LHCGR: variants seen among roughly 807,000 people sequenced by gnomAD.
LHCGR encodes lutropin-choriogonadotropic hormone receptor.
LHCGR carries 55 observed loss-of-function variants against 60.7 expected under a neutral mutation model. The ratio of observed to expected loss-of-function variants is 0.91; its 90% CI spans 0.73 to 1.13. The LOEUF (loss-of-function observed/expected upper bound fraction) is 1.13, where lower values mean the gene tolerates loss of function less well. Ranked by LOEUF, LHCGR falls within the 50% of genes most tolerant of loss-of-function variation. LHCGR has a pLI of 0.00. For synonymous variants in LHCGR, 337 were observed against 316.5 expected (o/e 1.06, Z -0.69); for missense variants, 862 against 836.0 (o/e 1.03, Z -0.38).
At chr2:48,740,236 A>G (rs1056405270) in intron 1 of LHCGR, among the ~76,000 whole-genome samples, 2 of 152,242 alleles carry the variant, frequency 1.3e-5, no homozygotes, top group Non-Finnish European at 2.9e-5. Flanking sequence ...GTCTGAGATC[A>G]AACTGCAAGG....
chr2:48,714,870 A>G (rs1473693312), intron 6 of LHCGR, among the ~76,000 whole-genome samples: 1 of 152,160 alleles, frequency 6.6e-6, no homozygotes, highest in Non-Finnish European at 1.5e-5. Context: ...CAAGCAGCAC[A>G]TTGTCATTTT....
At chr2:48,739,007 T>C (rs4519576) in intron 1 of LHCGR, among the ~76,000 whole-genome samples, 61,162 of 152,192 alleles carry the variant, frequency 0.4, 13,091 homozygotes, top group Middle Eastern at 0.5. Context: ...ACTTTCCTGA[T>C]GTCATTCATG....
intron 6 of LHCGR, among the ~76,000 whole-genome samples, chr2:48,717,789 G>C (rs1668320284): frequency 6.9e-6 from 1 of 145,280 alleles, no homozygotes; most frequent in South Asian, 2.2e-4. Flanking sequence ...CCTTTGGTCT[G>C]TACTAGCGTC....
chr2:48,696,195 C>T (rs2104385843), intron 9 of LHCGR, among the ~76,000 whole-genome samples: 1 of 152,330 alleles, frequency 6.6e-6, no homozygotes, highest in African/African-American at 2.4e-5. Context: ...TGCATCTTCT[C>T]TGATGAGACA....
chr2:48,730,989 A>G (rs1027389112), intron 2 of LHCGR, among the ~76,000 whole-genome samples: 1 of 152,172 alleles, frequency 6.6e-6, no homozygotes, highest in African/African-American at 2.4e-5. Flanking sequence ...CATCACTTAT[A>G]AAATGCATTC....
chr2:48,698,033 C>T (rs566354119), intron 9 of LHCGR, among the ~76,000 whole-genome samples: 68 of 152,220 alleles, frequency 4.5e-4, no homozygotes, highest in African/African-American at 1.5e-3. Flanking sequence ...CCACCGTGTC[C>T]CCCACCCTGG....
intron 4 of LHCGR, 63 bp downstream of exon 4, chr2:48,725,613 T>C: frequency 8.7e-7 from 1 of 1,151,552 alleles, no homozygotes; most frequent in Non-Finnish European, 1.3e-6. Flanking sequence ...CTTTTCCTTG[T>C]TTTGATTTTC....
At chr2:48,719,774 CA>C (rs1411334252) in intron 6 of LHCGR, among the ~76,000 whole-genome samples, 1 of 152,168 alleles carries the variant, frequency 6.6e-6, no homozygotes, top group Non-Finnish European at 1.5e-5. Context: ...ACAGGTTCTA[CA>C]AAAAGCAAAA....
intron 1 of LHCGR, among the ~76,000 whole-genome samples, chr2:48,740,215 C>G (rs1669378845): frequency 6.6e-6 from 1 of 152,262 alleles, no homozygotes; most frequent in African/African-American, 2.4e-5. Context: ...TCACTTGTTG[C>G]TAGCACAGCA....
chr2:48,692,539 C>G lies in LHCGR; in HGVS notation c.947+1685G>C, dbSNP rs558386913. Among the ~76,000 whole-genome samples the G allele has an allele frequency of 9.9e-5, 15 of 152,276 alleles. 2 individuals are homozygous for G. Among genetic ancestry groups the G allele is most frequent in the African/African-American group, 3.6e-4 (15 of 41,560 alleles). ...GGCAGCATCATGCTTATTGACAAAG[C>G]CCAGCACAGAGCTGTCTTTAGTATT... On this transcript the variant is annotated intron_variant, in intron 10 of 10. Transcript: ENST00000294954.
At chr2:48,732,089 C>T (rs1669016825) in intron 1 of LHCGR, among the ~76,000 whole-genome samples, 4 of 152,166 alleles carry the variant, frequency 2.6e-5, no homozygotes, top group Admixed American at 2.6e-4. Flanking sequence ...AAAAGAGTGA[C>T]ACTCAGAAAT....
chr2:48,702,207 G>C (rs530718201), intron 8 of LHCGR, among the ~76,000 whole-genome samples: 4 of 151,932 alleles, frequency 2.6e-5, no homozygotes, highest in Non-Finnish European at 4.4e-5. Context: ...TTTCATGTTG[G>C]ATGTTTCAGG....
At chr2:48,752,983 G>GGGGGC (rs1670035072) in intron 1 of LHCGR, among the ~76,000 whole-genome samples, 1 of 87,336 alleles carries the variant, frequency 1.1e-5, no homozygotes, top group African/African-American at 4.8e-5. Flanking sequence ...GATTTTGGCG[G>GGGGGC]GGGGGGGGGG....
chr2:48,727,703 A>G (rs4953618), intron 3 of LHCGR, among the ~76,000 whole-genome samples: 57,248 of 152,058 alleles, frequency 0.38, 11,917 homozygotes, highest in East Asian at 0.61. Flanking sequence ...TGTCTTTTGC[A>G]CTTACTCATT....
chr2:48,702,559 A>G (rs1025660128), intron 8 of LHCGR, among the ~76,000 whole-genome samples: 1 of 152,106 alleles, frequency 6.6e-6, no homozygotes, highest in African/African-American at 2.4e-5. Context: ...GATGCTTTCC[A>G]GCTTCATCCA....
At chr2:48,753,292 A>T (rs1249373657) in intron 1 of LHCGR, among the ~76,000 whole-genome samples, 2 of 152,194 alleles carry the variant, frequency 1.3e-5, no homozygotes, top group Non-Finnish European at 2.9e-5. Flanking sequence ...CCCTTTGCTT[A>T]ACATGCACCT....
At chr2:48,708,193 A>C (rs907066737) in intron 8 of LHCGR, among the ~76,000 whole-genome samples, 2 of 152,066 alleles carry the variant, frequency 1.3e-5, no homozygotes, top group Non-Finnish European at 2.9e-5. Context: ...AAACCCCTTT[A>C]ACTGAGAGAG....
intron 1 of LHCGR, among the ~76,000 whole-genome samples, chr2:48,748,502 G>A (rs1669808432): frequency 6.6e-6 from 1 of 152,192 alleles, no homozygotes; most frequent in African/African-American, 2.4e-5. Flanking sequence ...GCAATAATGA[G>A]CTCTGCTGTT....
chr2:48,726,148 C>G (rs541051090), intron 3 of LHCGR, among the ~76,000 whole-genome samples: 1 of 152,110 alleles, frequency 6.6e-6, no homozygotes, highest in Non-Finnish European at 1.5e-5. Context: ...AAATTACCTA[C>G]TCTCCCTTGT....
Sources: allele counts gnomAD v4.1 joint callset (sites outside exome capture counted in the v4.1 genomes callset), GRCh38; gene constraint gnomAD v4.1.1; transcripts MANE v1.5; gene names NCBI Gene and HGNC (gene_info 2026-07-23, HGNC 2026-07-21).